The following MAPK10 variants were observed in gnomAD, a reference collection of about 807,000 sequenced individuals.
MAPK10 encodes the protein mitogen-activated protein kinase 10.
In MAPK10, 25 loss-of-function variants were observed where a neutral mutation model predicts 59.3. The ratio of observed to expected loss-of-function variants is 0.42; its 90% confidence interval spans 0.31 to 0.59. The LOEUF (loss-of-function observed/expected upper bound fraction) is 0.59, where lower values mean the gene tolerates loss of function less well. Ranked by LOEUF, MAPK10 falls within the 20% of genes least tolerant of loss-of-function variation. MAPK10 has a pLI of 0.15. For missense variants in MAPK10, 351 were observed against 568.9 expected (o/e 0.62, Z 3.90); for synonymous variants, 190 against 200.5 (o/e 0.95, Z 0.44).
intron 9 of MAPK10, among the ~76,000 whole-genome samples, chr4:86,075,676 G>A (rs144652402): frequency 0.088 from 13,370 of 151,954 alleles, 796 homozygotes; most frequent in Non-Finnish European, 0.13. Context: ...GTGTGCCCCT[G>A]CTGGGGGATG....
At chr4:86,169,435 G>A (rs530913090) in intron 3 of MAPK10, among the ~76,000 whole-genome samples, 2 of 152,192 alleles carry the variant, frequency 1.3e-5, no homozygotes, top group East Asian at 1.9e-4. Flanking sequence ...CTCAGGAGCC[G>A]ATGCGATCAA....
chr4:86,287,066 CAG>C, intron 2 of MAPK10, among the ~76,000 whole-genome samples: 1 of 152,046 alleles, frequency 6.6e-6, no homozygotes, highest in South Asian at 2.1e-4. Context: ...ATGAGGAAAA[CAG>C]AATGATTTGC....
chr4:86,390,777 G>C (rs1447806547), intron 1 of MAPK10, among the ~76,000 whole-genome samples: 6 of 152,142 alleles, frequency 3.9e-5, no homozygotes, highest in Non-Finnish European at 8.8e-5. Flanking sequence ...AATCGTGAAG[G>C]TCTGTGTGGA....
intron 2 of MAPK10, among the ~76,000 whole-genome samples, chr4:86,215,874 T>C (rs1254069149): frequency 6.6e-6 from 1 of 152,062 alleles, no homozygotes; most frequent in East Asian, 1.9e-4. Flanking sequence ...AAAGAAAAAC[T>C]ATTCAAGTAT....
chr4:86,283,044 T>TA (rs1191958972), intron 2 of MAPK10, among the ~76,000 whole-genome samples: 2 of 152,238 alleles, frequency 1.3e-5, no homozygotes, highest in Non-Finnish European at 2.9e-5. Context: ...TCTGATTTAA[T>TA]GCTTATTCAA....
At chr4:86,178,378 C>T (rs1712339205) in intron 3 of MAPK10, among the ~76,000 whole-genome samples, 3 of 151,928 alleles carry the variant, frequency 2.0e-5, no homozygotes, top group Admixed American at 1.3e-4. Flanking sequence ...AGGTCTTGAA[C>T]TCTAAGGAGT....
At chr4:86,168,556 C>T (rs28830922) in intron 3 of MAPK10, among the ~76,000 whole-genome samples, 27,486 of 152,118 alleles carry the variant, frequency 0.18, 3,039 homozygotes, top group African/African-American at 0.31. Flanking sequence ...CAAAGCAGCC[C>T]GGAAGCTCCA....
intron 1 of MAPK10, among the ~76,000 whole-genome samples, chr4:86,535,769 T>C (rs1578031485): frequency 1.3e-5 from 2 of 152,060 alleles, no homozygotes; most frequent in East Asian, 3.9e-4. Context: ...AAGGGAAAAA[T>C]GAAAAACAAG....
At chr4:86,502,478 T>A (rs1249831795) in intron 1 of MAPK10, among the ~76,000 whole-genome samples, 1 of 152,064 alleles carries the variant, frequency 6.6e-6, no homozygotes, top group Non-Finnish European at 1.5e-5. Context: ...TACATTTCTC[T>A]TGACCATTCC....
At chr4:86,385,615 C>G (rs1212179512) in intron 1 of MAPK10, among the ~76,000 whole-genome samples, 1 of 152,108 alleles carries the variant, frequency 6.6e-6, no homozygotes, top group African/African-American at 2.4e-5. Context: ...TTCCACAAAT[C>G]ACTTCCCAAG....
chr4:86,302,094 A>C (rs1236862085), intron 2 of MAPK10, among the ~76,000 whole-genome samples: 1 of 152,134 alleles, frequency 6.6e-6, no homozygotes, highest in Non-Finnish European at 1.5e-5. Context: ...CAATCTTTTG[A>C]ATTTACATGA....
intron 4 of MAPK10, among the ~76,000 whole-genome samples, chr4:86,108,340 G>C (rs1035453484): frequency 6.6e-5 from 10 of 152,200 alleles, no homozygotes; most frequent in African/African-American, 1.9e-4. Context: ...CAAAATATGT[G>C]ACCCATCCCT....
At chr4:86,510,788 A>G (rs933801018) in intron 1 of MAPK10, among the ~76,000 whole-genome samples, 1 of 152,138 alleles carries the variant, frequency 6.6e-6, no homozygotes, top group Non-Finnish European at 1.5e-5. Flanking sequence ...CCAGGCACAG[A>G]AAAACAAATA....
chr4:86,114,745 A>T (rs2058054938), intron 4 of MAPK10, among the ~76,000 whole-genome samples: 1 of 152,200 alleles, frequency 6.6e-6, no homozygotes, highest in Admixed American at 6.5e-5. Context: ...AATCCCCCTC[A>T]TCTGGACTGC....
chr4:86,287,053 T>G (rs1002842422), intron 2 of MAPK10, among the ~76,000 whole-genome samples: 1 of 152,112 alleles, frequency 6.6e-6, no homozygotes, highest in Admixed American at 6.6e-5. Context: ...CCATTTCAGT[T>G]CAATGAGGAA....
chr4:86,070,576 A>G (rs2047695057), intron 9 of MAPK10, among the ~76,000 whole-genome samples: 1 of 125,234 alleles, frequency 8.0e-6, no homozygotes, highest in South Asian at 2.7e-4. Context: ...AGAGTGTCAT[A>G]TTCCCCTTCC....
intron 9 of MAPK10, chr4:86,079,388 A>G (rs2050175532): frequency 6.6e-6 from 1 of 152,232 alleles, no homozygotes; most frequent in African/African-American, 2.4e-5. Flanking sequence ...TAGCAATGGC[A>G]GAATTTTCAT....
chr4:86,292,826 C>T (rs1042242705), intron 2 of MAPK10, among the ~76,000 whole-genome samples: 12 of 152,124 alleles, frequency 7.9e-5, no homozygotes, highest in African/African-American at 2.7e-4. Context: ...ATGGGAGGGC[C>T]AATTAAACCA....
At chr4:86,082,162 T>G (rs1212815251) in intron 9 of MAPK10, 1 of 152,076 alleles carries the variant, frequency 6.6e-6, no homozygotes, top group Admixed American at 6.5e-5. Flanking sequence ...GTCACAGAGA[T>G]AGTAAAAAGA....
Sources: allele counts gnomAD v4.1 joint callset (sites outside exome capture counted in the v4.1 genomes callset), GRCh38; gene constraint gnomAD v4.1.1; transcripts MANE v1.5; gene names NCBI Gene and HGNC (gene_info 2026-07-23, HGNC 2026-07-21).